Variants in TSTD2 observed in about 807,000 individuals in gnomAD.
The protein encoded by TSTD2 is thiosulfate sulfurtransferase like domain containing 2.
A neutral mutation model predicts 47.9 loss-of-function variants in TSTD2; 37 were observed. The ratio of observed to expected loss-of-function variants is 0.77; its 90% CI spans 0.59 to 1.02. The LOEUF (loss-of-function observed/expected upper bound fraction) is 1.02. Among genes scored for constraint, TSTD2 ranks in the 50% least tolerant of loss-of-function variants. The pLI, the probability that TSTD2 is intolerant of heterozygous loss-of-function variation, is 0.00. For missense variants in TSTD2, 586 were observed against 616.0 expected (o/e 0.95, Z 0.52); for synonymous variants, 201 against 215.9 (o/e 0.93, Z 0.61).
In TSTD2 at chr9:97,600,085, T is replaced by G. The variant is rs933186435; in HGVS notation, c.*2384A>C. Reference sequence around the variant, plus strand: ...AAACGGCACACTCTTCCACATGCTTTTGAAGTATTATAAAACACTTTATTA... The same window carrying G: ...AAACGGCACACTCTTCCACATGCTTGTGAAGTATTATAAAACACTTTATTA... On this transcript the variant is annotated 3_prime_UTR_variant, in exon 10 of 10. Transcript: ENST00000341170. The G allele has an allele frequency of 2.9e-5, 30 of 1,026,974 alleles. No homozygotes were observed. The highest frequency in any genetic ancestry group is 3.4e-5 in the Non-Finnish European group (29 of 852,768). 63.6% of individuals were successfully genotyped at this position (1,026,974 alleles called of 1,614,324 possible).
intron 3 of TSTD2, among the ~76,000 whole-genome samples, chr9:97,618,236 C>CA (rs1826577486): frequency 6.6e-6 from 1 of 152,300 alleles, no homozygotes; most frequent in South Asian, 2.1e-4. Context: ...AATCATCATA[C>CA]AAAAAAGTTT....
chr9:97,605,345 A>T (rs1826346811), intron 8 of TSTD2, 138 bp downstream of exon 8: 6 of 972,196 alleles, frequency 6.2e-6, no homozygotes, highest in Non-Finnish European at 7.5e-6. Flanking sequence ...TCCATGCTGG[A>T]GCCATACGAG....
rs1564005636 is a variant in TSTD2, at chr9:97,604,788, T to G, written c.1191A>C (p.Lys397Asn). Residue 397 changes from lysine (K) to asparagine (N), a missense_variant, in exon 9 of 10, where the codon AAA (lysine) becomes AAC (asparagine). Physicochemically the swap from Lys to Asn is moderately conservative, Grantham distance 94. Coordinates refer to ENST00000341170, the MANE Select transcript of TSTD2 (RefSeq NM_139246.5). ...YLEEFPDGFY[K>N]GKLFVFDERY... ...GTTCATCAAAAACAAACAACTTCCC[T>G]TTGTAAAAGCCATCAGGAAACTCTT... 6.2e-7 allele frequency: 1 copy of G among 1,614,178 alleles called. No homozygotes were observed. The highest frequency in any genetic ancestry group is 8.5e-7 in the Non-Finnish European group (1 of 1,180,026).
Position 97,625,901 on chromosome 9 carries a change from C to A in TSTD2, c.262G>T (p.Asp88Tyr), listed in dbSNP as rs777094445. The change falls in exon 3 of 10, where the codon GAC becomes TAC. Residue 88 changes from aspartate to tyrosine, a missense_variant. By Grantham distance (160) the Asp-to-Tyr change is radical (BLOSUM62 -3). Transcript: ENST00000341170. ...ACATGTCTATGGATGCTGGTTTGGT[C>A]TGTGAATAGCTGCCGACAGCATTTC... The part of the protein sequence containing the change: ...LWKCCRQLFT[D>Y]QTSIHRHVAT... The A allele has an allele frequency of 1.9e-6, 3 of 1,614,046 alleles. No individual in the cohort carries two copies. The African/African-American group carries it at 4.0e-5, about 22-fold the overall frequency.
At chr9:97,621,605 G>C (rs1401569263) in intron 3 of TSTD2, among the ~76,000 whole-genome samples, 1 of 152,198 alleles carries the variant, frequency 6.6e-6, no homozygotes, top group Non-Finnish European at 1.5e-5. Flanking sequence ...CACTCTGGGG[G>C]TGTCTGCCTT....
chr9:97,630,045 G>A (rs908307756), intron 1 of TSTD2, among the ~76,000 whole-genome samples: 2 of 152,060 alleles, frequency 1.3e-5, no homozygotes, highest in Admixed American at 6.5e-5. Context: ...CTGAACTCAA[G>A]TGTCACCTTT....
chr9:97,619,481 T>C lies in TSTD2; in HGVS notation c.483-1604A>G, dbSNP rs529688714. 1.4e-4 allele frequency among the ~76,000 whole-genome samples: 22 copies of C among 152,254 alleles called. No individual in the cohort carries two copies. The South Asian group carries it at 1.7e-3, about 11-fold the overall frequency. ...ATGACGAACCATTTAACATAAAGAA[T>C]AGTAAATATGTATTACGATTTTCTT... is the stretch of plus-strand genomic sequence containing the variant. On this transcript the variant is annotated intron_variant, in intron 3 of 9. Transcript: ENST00000341170.
chr9:97,602,541 C>T lies in TSTD2; in HGVS notation c.1479G>A (p.Leu493=), dbSNP rs777665545. ...GGCTCACAGGCTGTCGCACATGCTG[C>T]AAGAGTTCCCTAGGTATGCGTGGCC... ...ARRPRIPREL[L]QHVRQPVSPE... The change falls in exon 10 of 10, where the codon TTG becomes TTA. Residue 493 remains leucine (L), a synonymous_variant. Coordinates refer to ENST00000341170, the MANE Select transcript of TSTD2 (RefSeq NM_139246.5). 2.5e-6 allele frequency: 4 copies of T among 1,614,084 alleles called. No individual in the cohort carries two copies. The African/African-American group carries it at 5.3e-5, about 22-fold the overall frequency.
At chr9:97,628,479 G>T (rs1194435598) in intron 1 of TSTD2, among the ~76,000 whole-genome samples, 1 of 152,144 alleles carries the variant, frequency 6.6e-6, no homozygotes, top group Non-Finnish European at 1.5e-5. Flanking sequence ...GTACTGTACT[G>T]TAGACTGGAA....
chr9:97,627,060 G>C (rs536151059), intron 2 of TSTD2, among the ~76,000 whole-genome samples: 7 of 151,792 alleles, frequency 4.6e-5, no homozygotes, highest in Non-Finnish European at 8.8e-5. Context: ...TTACTGATAC[G>C]TGTTTTTAGT....
At chr9:97,617,722 C>A in intron 4 of TSTD2, 35 bp downstream of exon 4, 1 of 1,580,790 alleles carries the variant, frequency 6.3e-7, no homozygotes, top group Non-Finnish European at 8.6e-7. Context: ...GCAAGATGGA[C>A]CCAGTGAAGG....
Position 97,627,617 on chromosome 9 carries a change from A to G in TSTD2, c.-50-5T>C, listed in dbSNP as rs1359995081. 4 of 1,439,652 alleles carry G rather than the reference A, an allele frequency of 2.8e-6. No individual in the cohort carries two copies. Among genetic ancestry groups the G allele is most frequent in the Non-Finnish European group, 9.3e-7 (1 of 1,075,422 alleles). The allele number at this position is 1,439,652 out of a possible 1,614,324, so 89.2% of individuals were successfully genotyped here. Reference sequence around the variant, plus strand: ...TTCCTTTCAGTTAAATACCTCCTAGAATATAAATAAGAAAGAAGCAGCCAT... The same window carrying G: ...TTCCTTTCAGTTAAATACCTCCTAGGATATAAATAAGAAAGAAGCAGCCAT... On this transcript the variant is annotated splice_polypyrimidine_tract_variant and splice_region_variant and intron_variant, in intron 1 of 9. Coordinates refer to ENST00000341170, the MANE Select transcript of TSTD2 (RefSeq NM_139246.5).
chr9:97,628,394 A>G (rs1826756520), intron 1 of TSTD2, among the ~76,000 whole-genome samples: 1 of 152,136 alleles, frequency 6.6e-6, no homozygotes. Flanking sequence ...GCATGTGAAC[A>G]TGGGCAAGCT....
rs1826244171 is a variant in TSTD2, at chr9:97,600,967, A to G, written c.*1502T>C. 8.6e-7 allele frequency: 1 copy of G among 1,161,320 alleles called. No individual in the cohort carries two copies. The highest frequency in any genetic ancestry group is 1.1e-6 in the Non-Finnish European group (1 of 915,774). 71.9% of individuals were successfully genotyped at this position (1,161,320 alleles called of 1,614,324 possible). On this transcript the variant is annotated 3_prime_UTR_variant, in exon 10 of 10. Coordinates refer to ENST00000341170, the MANE Select transcript of TSTD2 (RefSeq NM_139246.5). ...ATTAGTGATTTCAGCAAATCTCATG[A>G]TAAAGGACAAGGTCAAGAACTCCAG... is the stretch of plus-strand genomic sequence containing the variant.
Position 97,610,335 on chromosome 9 carries a change from A to G in TSTD2, c.835+11T>C, listed in dbSNP as rs759072082. The G allele has an allele frequency of 2.0e-5, 32 of 1,601,356 alleles. No individual in the cohort carries two copies. The East Asian group carries it at 7.0e-4, about 35-fold the overall frequency. ...GTGAATTAAAGCACAATCTTCTAAA[A>G]GCAAGCATACCAGGCTTCTTGTAGG... On this transcript the variant is annotated intron_variant, in intron 6 of 9. Coordinates refer to ENST00000341170, the MANE Select transcript of TSTD2 (RefSeq NM_139246.5).
chr9:97,626,993 T>C (rs1587984531), intron 2 of TSTD2, among the ~76,000 whole-genome samples: 1 of 152,344 alleles, frequency 6.6e-6, no homozygotes, highest in South Asian at 2.1e-4. Context: ...TATTTGTTTA[T>C]TTCTGGCTTG....
At chr9:97,627,351 G>A in intron 2 of TSTD2, 47 bp downstream of exon 2, 1 of 1,532,484 alleles carries the variant, frequency 6.5e-7, no homozygotes, top group Non-Finnish European at 8.8e-7. Flanking sequence ...AAATGTATCT[G>A]CGTTAACCAC....
In TSTD2 at chr9:97,600,882, A is replaced by G. The variant is rs1826241932; in HGVS notation, c.*1587T>C. On this transcript the variant is annotated 3_prime_UTR_variant, in exon 10 of 10. Coordinates refer to ENST00000341170, the MANE Select transcript of TSTD2 (RefSeq NM_139246.5). ...AAGCCACAATGCCCTTGTGCCTTTT[A>G]ATATACCACAGTGCCAGTTAAACTA... is the stretch of plus-strand genomic sequence containing the variant. 1 of 1,124,654 alleles carries G rather than the reference A, an allele frequency of 8.9e-7. No homozygotes were observed. The highest frequency in any genetic ancestry group is 1.1e-6 in the Non-Finnish European group (1 of 905,622). The allele number at this position is 1,124,654 out of a possible 1,614,324, so 69.7% of individuals were successfully genotyped here.
At chr9:97,619,367 T>C (rs1347825896) in intron 3 of TSTD2, among the ~76,000 whole-genome samples, 4 of 152,204 alleles carry the variant, frequency 2.6e-5, no homozygotes, top group East Asian at 1.9e-4. Context: ...GTAGATCTTT[T>C]TGTGCCTCTA....
Sources: gnomAD v4.1 joint callset for allele counts (sites outside exome capture counted in the v4.1 genomes callset) on GRCh38, gnomAD v4.1.1 for gene constraint, MANE v1.5 for transcripts, NCBI Gene and HGNC (gene_info 2026-07-23, HGNC 2026-07-21) for gene names.